Variants in PLXNA2 observed in about 807,000 individuals in gnomAD.
PLXNA2 encodes plexin A2.
PLXNA2 carries 91 observed loss-of-function variants against 193.5 expected under a neutral mutation model. The ratio of observed to expected loss-of-function variants is 0.47; its 90% CI spans 0.40 to 0.56. PLXNA2 has a LOEUF of 0.56. PLXNA2 is among the 20% of genes least tolerant of loss of function. The pLI is 0.00. For synonymous variants in PLXNA2, 997 were observed against 1,027.3 expected (o/e 0.97, Z 0.56); for missense variants, 1,995 against 2,503.2 (o/e 0.80, Z 4.33).
chr1:208,039,789 G>A (rs1439752666), intron 23 of PLXNA2, 22 bp from the exon 24 acceptor site: 6 of 1,613,824 alleles, frequency 3.7e-6, no homozygotes, highest in Non-Finnish European at 5.1e-6. Context: ...GACAGGGCAG[G>A]AGGTGTGGGC....
At position 208,112,740 on chromosome 1, in the gene PLXNA2, C is replaced by T. The variant is rs184392194; in HGVS notation, c.1507-9493G>A. ...AAGAGCCATCCAGCCCCTGTAACTG[C>T]CGTCTTTATTAAATAATCCCAGTGT... On this transcript the variant is annotated intron_variant, in intron 4 of 31. Coordinates refer to ENST00000367033, the MANE Select transcript of PLXNA2 (RefSeq NM_025179.4). Among the ~76,000 whole-genome samples, 309 of 152,192 alleles carry T rather than the reference C, an allele frequency of 2.0e-3. 4 individuals are homozygous for T. The highest frequency in any genetic ancestry group is 0.014 in the Middle Eastern group (4 of 294).
intron 3 of PLXNA2, among the ~76,000 whole-genome samples, chr1:208,190,212 C>T (rs774231513): frequency 1.3e-5 from 2 of 152,150 alleles, no homozygotes; most frequent in African/African-American, 4.8e-5. Flanking sequence ...AAAACTCATG[C>T]TTCTCCATCA....
chr1:208,091,203 T>C (rs1482774417), intron 9 of PLXNA2, among the ~76,000 whole-genome samples: 2 of 152,266 alleles, frequency 1.3e-5, no homozygotes, highest in Non-Finnish European at 2.9e-5. Flanking sequence ...GTGGCATCTA[T>C]GTTTCTCCCT....
intron 7 of PLXNA2, 70 bp downstream of exon 7, chr1:208,096,660 C>T: frequency 6.4e-7 from 1 of 1,557,960 alleles, no homozygotes; most frequent in African/African-American, 1.4e-5. Flanking sequence ...GTGCCTAGTT[C>T]TTGTGACCCC....
rs542132371 is a variant in PLXNA2 at position 208,145,558 on chromosome 1, C to A, written c.1372-3095G>T. Among the ~76,000 whole-genome samples, 109 of 152,368 alleles carry A rather than the reference C, an allele frequency of 7.2e-4. 1 individual carries two copies. Among genetic ancestry groups the A allele is most frequent in the African/African-American group, 2.5e-3 (104 of 41,598 alleles). On this transcript the variant is annotated intron_variant, in intron 3 of 31. Transcript: ENST00000367033. ...ACTTGCGTGGATTCAGCAAGGCCTG[C>A]ACACCAAGTCAGAAGAGAGAATGAA... is the stretch of plus-strand genomic sequence containing the variant.
chr1:208,163,072 G>A (rs530156230), intron 3 of PLXNA2, among the ~76,000 whole-genome samples: 1 of 152,272 alleles, frequency 6.6e-6, no homozygotes, highest in South Asian at 2.1e-4. Flanking sequence ...GACAGCTTGA[G>A]TCAAGACATA....
chr1:208,141,155 T>C (rs547388241), intron 4 of PLXNA2, among the ~76,000 whole-genome samples: 8 of 152,364 alleles, frequency 5.3e-5, no homozygotes, highest in African/African-American at 1.9e-4. Flanking sequence ...AATTATCGTA[T>C]GATTTACGTC....
At position 208,051,374 on chromosome 1, in the gene PLXNA2, G is replaced by T. The variant is rs1468221639; in HGVS notation, c.3043C>A (p.Leu1015Ile). The T allele has an allele frequency of 1.2e-6, 2 of 1,612,954 alleles. No individual in the cohort carries two copies. The highest frequency in any genetic ancestry group is 2.7e-5 in the African/African-American group (2 of 74,860). ...CTCACAGAAACAGGGACCGGGCCAA[G>T]GCCATTGGATGATGGGGGTGAGACA... ...VCVSPPSSNG[L>I]GPVPVSVSVD... Residue 1015 changes from leucine (L) to isoleucine (I), a missense_variant, in exon 16 of 32, where the codon CTT becomes ATT. Leu to Ile is a conservative substitution (Grantham distance 5, BLOSUM62 2). Around this residue, in one of 3 missense-constraint regions of PLXNA2, gnomAD observed 1,291 missense variants for 1,673.6 expected, o/e 0.77. Transcript: ENST00000367033.
At chr1:208,059,165 C>CG (rs566555683) in intron 13 of PLXNA2, among the ~76,000 whole-genome samples, 1 of 152,292 alleles carries the variant, frequency 6.6e-6, no homozygotes, top group South Asian at 2.1e-4. Context: ...TGGCAGGGTG[C>CG]GGGGCTCTGT....
In PLXNA2 at chr1:208,160,579, C is replaced by T. The variant is rs1014604376; in HGVS notation, c.1372-18116G>A. On this transcript the variant is annotated intron_variant, in intron 3 of 31. Transcript: ENST00000367033. Reference sequence around the variant, plus strand: ...TCTGCCCAACAGGCTGGAAGAAAGACAAGCCTTCTTTATCCCCAATCTGCA... The same window carrying T: ...TCTGCCCAACAGGCTGGAAGAAAGATAAGCCTTCTTTATCCCCAATCTGCA... Among the ~76,000 whole-genome samples, 21 of 152,258 alleles carry T rather than the reference C, an allele frequency of 1.4e-4. 1 individual carries two copies. Among genetic ancestry groups the T allele is most frequent in the Middle Eastern group, 3.2e-3 (1 of 316 alleles).
chr1:208,223,844 T>C lies in PLXNA2; in HGVS notation c.-80-5842A>G, dbSNP rs184009552. 3.3e-5 allele frequency among the ~76,000 whole-genome samples: 5 copies of C among 152,338 alleles called. No homozygotes were observed. The East Asian group carries it at 9.6e-4, about 29-fold the overall frequency. Reference sequence around the variant, plus strand: ...CTGCAGAGCATCCTGCCAAGGAGATTCTGAAATTTTCTGATATTGAATTTT... The same window carrying C: ...CTGCAGAGCATCCTGCCAAGGAGATCCTGAAATTTTCTGATATTGAATTTT... On this transcript the variant is annotated intron_variant, in intron 1 of 31. Coordinates refer to ENST00000367033, the MANE Select transcript of PLXNA2 (RefSeq NM_025179.4).
At chr1:208,154,251 A>G (rs960564620) in intron 3 of PLXNA2, among the ~76,000 whole-genome samples, 1 of 151,934 alleles carries the variant, frequency 6.6e-6, no homozygotes, top group Non-Finnish European at 1.5e-5. Context: ...ACAGTACAGC[A>G]GGTGCCCGGA....
rs1377154265 is a variant in PLXNA2 at position 208,108,856 on chromosome 1, C to T, written c.1507-5609G>A. Among the ~76,000 whole-genome samples, 4 of 152,286 alleles carry T rather than the reference C, an allele frequency of 2.6e-5. No individual in the cohort carries two copies. The Middle Eastern group carries it at 0.01, about 388-fold the overall frequency. Reference sequence around the variant, plus strand: ...CAGAGGACAGAGAGTGGCAGCTCACCTCAGGGGGCTCTGGCAGGAGCACTC... The same window carrying T: ...CAGAGGACAGAGAGTGGCAGCTCACTTCAGGGGGCTCTGGCAGGAGCACTC... On this transcript the variant is annotated intron_variant, in intron 4 of 31. Transcript: ENST00000367033.
At chr1:208,027,443 C>A (rs2102294101) in intron 31 of PLXNA2, 105 bp from the exon 32 acceptor site, 1 of 796,526 alleles carries the variant, frequency 1.3e-6, no homozygotes, top group South Asian at 1.5e-5. Flanking sequence ...TCCATTCTGC[C>A]TTCATGCACA....
chr1:208,168,723 GGTTTTTTTTTT>G lies in PLXNA2; in HGVS notation c.1372-26271_1372-26261del, dbSNP rs1298227248. On this transcript the variant is annotated intron_variant, in intron 3 of 31. Coordinates refer to ENST00000367033, the MANE Select transcript of PLXNA2 (RefSeq NM_025179.4). ...CAAAAAGAAGACAAAGAGTATGCGG[GGTTTTTTTTTT>G]TTTTTTTTTTTTTTTTTAGAATGAC... Among the ~76,000 whole-genome samples, 57 of 102,238 alleles carry G rather than the reference GGTTTTTTTTTT, an allele frequency of 5.6e-4. 1 individual carries two copies. Among genetic ancestry groups the G allele is most frequent in the East Asian group, 5.2e-3 (13 of 2,486 alleles). The allele number at this position is 102,238 out of a possible 152,430, so 67.1% of individuals were successfully genotyped here. A position where few individuals can be genotyped will look rare whatever the true frequency, so the allele number is the denominator to read the frequency against.
At position 208,098,276 on chromosome 1, in the gene PLXNA2, C is replaced by A. The variant is rs2253093; in HGVS notation, c.1731+570G>T. Among the ~76,000 whole-genome samples, 692 of 152,222 alleles carry A rather than the reference C, an allele frequency of 4.5e-3. 2 individuals are homozygous for A. The highest frequency in any genetic ancestry group is 7.4e-3 in the Non-Finnish European group (506 of 68,008). ...TTAACATTCGTGAATGCTCATAAAA[C>A]CTTCAGAATGAAATAATAATGCAGG... On this transcript the variant is annotated intron_variant, in intron 6 of 31. Transcript: ENST00000367033.
At chr1:208,177,545 G>C (rs1057252130) in intron 3 of PLXNA2, among the ~76,000 whole-genome samples, 1 of 152,200 alleles carries the variant, frequency 6.6e-6, no homozygotes, top group African/African-American at 2.4e-5. Context: ...ATTATCTTTT[G>C]AATAAATGAA....
intron 12 of PLXNA2, among the ~76,000 whole-genome samples, chr1:208,070,589 T>C (rs532336158): frequency 5.9e-5 from 9 of 152,206 alleles, no homozygotes; most frequent in Non-Finnish European, 1.2e-4. Context: ...AGGAAAGAGA[T>C]GAAGGACTGG....
chr1:208,123,608 T>C (rs1387012508), intron 4 of PLXNA2, among the ~76,000 whole-genome samples: 2 of 152,250 alleles, frequency 1.3e-5, no homozygotes, highest in Non-Finnish European at 2.9e-5. Flanking sequence ...TGGTAGTCTG[T>C]CCATATGTCT....
Sources: gnomAD v4.1 joint callset for allele counts (sites outside exome capture counted in the v4.1 genomes callset) on GRCh38, gnomAD v4.1.1 for gene constraint, gnomAD v4.1.1 regional missense constraint, MANE v1.5 for transcripts, NCBI Gene and HGNC (gene_info 2026-07-23, HGNC 2026-07-21) for gene names.